SOS1: variants seen among roughly 807,000 people sequenced by gnomAD.
SOS1 encodes son of sevenless homolog 1.
SOS1 carries 25 observed loss-of-function variants against 157.6 expected under a neutral mutation model. The observed-to-expected ratio is 0.16, with a 90% CI of 0.12 to 0.22. The LOEUF (loss-of-function observed/expected upper bound fraction) is 0.22. Ranked by LOEUF, SOS1 falls within the 10% of genes least tolerant of loss-of-function variation. The pLI is 1.00. For missense variants in SOS1, 1,237 were observed against 1,599.1 expected, an observed-to-expected ratio of 0.77 and a Z score of 3.86; for synonymous variants, 528 against 534.0, an observed-to-expected ratio of 0.99 and a Z score of 0.16.
chr2:39,075,730 A>G (rs1671947491), intron 1 of SOS1, among the ~76,000 whole-genome samples: 1 of 151,320 alleles, frequency 6.6e-6, no homozygotes, highest in Non-Finnish European at 1.5e-5. Context: ...AAAGATCAAG[A>G]AAAAAGAGAA....
At chr2:39,070,103 G>A (rs191589722) in intron 1 of SOS1, among the ~76,000 whole-genome samples, 2 of 152,188 alleles carry the variant, frequency 1.3e-5, no homozygotes, top group South Asian at 2.1e-4. Context: ...TCTGACTAAC[G>A]TGTGTAGGTA....
intron 1 of SOS1, among the ~76,000 whole-genome samples, chr2:39,108,075 C>G (rs546552715): frequency 6.6e-6 from 1 of 152,306 alleles, no homozygotes; most frequent in East Asian, 1.9e-4. Flanking sequence ...CCTTTCATCA[C>G]CATCCCCACT....
chr2:39,110,123 A>G (rs932344618), intron 1 of SOS1, among the ~76,000 whole-genome samples: 8 of 147,946 alleles, frequency 5.4e-5, no homozygotes, highest in African/African-American at 2.0e-4. Flanking sequence ...TCCATGGGGG[A>G]TTGGTTCCAG....
chr2:39,030,944 C>T (rs921098618), intron 8 of SOS1, among the ~76,000 whole-genome samples: 3 of 151,992 alleles, frequency 2.0e-5, no homozygotes, highest in East Asian at 1.9e-4. Flanking sequence ...GAGGCAAAGA[C>T]GGGAGTGATG....
chr2:39,010,765 T>C, intron 14 of SOS1, 62 bp from the exon 15 acceptor site: 1 of 1,345,702 alleles, frequency 7.4e-7, no homozygotes, highest in South Asian at 1.2e-5. Flanking sequence ...CATTGTTTTA[T>C]TAAGTAAAGG....
Position 38,982,073 on chromosome 2 carries a change from C to T in SOS1, c.*3751G>A, listed in dbSNP as rs1344918948. On this transcript the variant is annotated 3_prime_UTR_variant, in exon 23 of 23. Transcript: ENST00000402219. Reference sequence around the variant, plus strand: ...CATGTACCTTCCATCATCTGTTATGCATCTTGTTTCTTTGAGTGGTAGTCC... The same window carrying T: ...CATGTACCTTCCATCATCTGTTATGTATCTTGTTTCTTTGAGTGGTAGTCC... The T allele has an allele frequency of 1.3e-5, 2 of 152,178 alleles. No homozygotes were observed. Among genetic ancestry groups the T allele is most frequent in the East Asian group, 1.9e-4 (1 of 5,206 alleles). The allele number at this position is 152,178 out of a possible 1,614,324, so 9.4% of individuals were successfully genotyped here. A position where few individuals can be genotyped will look rare whatever the true frequency, so the allele number is the denominator to read the frequency against.
At chr2:39,070,335 C>T (rs1671753348) in intron 1 of SOS1, among the ~76,000 whole-genome samples, 1 of 152,164 alleles carries the variant, frequency 6.6e-6, no homozygotes, top group South Asian at 2.1e-4. Flanking sequence ...CAGTCAAGTT[C>T]CTTTCATTTC....
intron 10 of SOS1, among the ~76,000 whole-genome samples, chr2:39,021,240 A>G (rs1171239988): frequency 6.6e-6 from 1 of 151,632 alleles, no homozygotes; most frequent in African/African-American, 2.4e-5. Context: ...ACTACAAAAC[A>G]AGTATCAGCT....
chr2:39,011,642 A>G (rs1314348039), intron 14 of SOS1, among the ~76,000 whole-genome samples: 1 of 152,238 alleles, frequency 6.6e-6, no homozygotes, highest in Admixed American at 6.5e-5. Flanking sequence ...TGAGATAATT[A>G]CATCAATGTA....
chr2:38,987,771 A>C (rs1255616512), intron 21 of SOS1, 180 bp from the exon 22 acceptor site: 1 of 572,774 alleles, frequency 1.7e-6, no homozygotes, highest in African/African-American at 1.9e-5. Flanking sequence ...AAAAGCATGC[A>C]GACATTTTTT....
chr2:39,109,589 A>G (rs532395052), intron 1 of SOS1, among the ~76,000 whole-genome samples: 3 of 152,318 alleles, frequency 2.0e-5, no homozygotes, highest in East Asian at 3.9e-4. Flanking sequence ...CTACTCAAAA[A>G]AGGCAACACA....
rs145012828 is a variant in SOS1 at position 39,097,913 on chromosome 2, T to C, written c.87+22423A>G. ...AAAACAGTTTAAGTGCTGAACATTATTATTTCTTGGAATCTATATAAGCTT... is the reference window on the plus strand; with the variant it reads ...AAAACAGTTTAAGTGCTGAACATTACTATTTCTTGGAATCTATATAAGCTT... On this transcript the variant is annotated intron_variant, in intron 1 of 22. Transcript: ENST00000402219. Among the ~76,000 whole-genome samples the C allele has an allele frequency of 7.7e-3, 1,168 of 152,332 alleles. 7 individuals carry two copies. The highest frequency in any genetic ancestry group is 0.014 in the Middle Eastern group (4 of 294).
chr2:39,054,605 G>A lies in SOS1; in HGVS notation c.720+9C>T, dbSNP rs370687707. 3.0e-5 allele frequency: 44 copies of A among 1,477,078 alleles called. No homozygotes were observed. Among genetic ancestry groups the A allele is most frequent in the Non-Finnish European group, 3.7e-5 (39 of 1,057,056 alleles). The allele number at this position is 1,477,078 out of a possible 1,614,324, so 91.5% of individuals were successfully genotyped here. A position where few individuals can be genotyped will look rare whatever the true frequency, so the allele number is the denominator to read the frequency against. ...ATTCAATGAGAGGCATATATACAAT[G>A]ATACTTACATTAGCTGAAAACAATT... On this transcript the variant is annotated intron_variant, in intron 5 of 22. Coordinates refer to ENST00000402219, the MANE Select transcript of SOS1 (RefSeq NM_005633.4).
At chr2:39,055,612 A>C (rs968435896) in intron 4 of SOS1, among the ~76,000 whole-genome samples, 1 of 152,196 alleles carries the variant, frequency 6.6e-6, no homozygotes, top group African/African-American at 2.4e-5. Context: ...ATATGGCCAC[A>C]TTCTCAAAGA....
intron 6 of SOS1, among the ~76,000 whole-genome samples, chr2:39,047,019 T>C (rs542574972): frequency 1.2e-4 from 18 of 152,328 alleles, no homozygotes; most frequent in Non-Finnish European, 1.6e-4. Context: ...GTCTGCAATT[T>C]GATGACTTTT....
chr2:38,994,069 C>T (rs1305822481), intron 20 of SOS1, among the ~76,000 whole-genome samples: 2 of 152,186 alleles, frequency 1.3e-5, no homozygotes, highest in Non-Finnish European at 2.9e-5. Flanking sequence ...TATTGAGCAT[C>T]TGACTGTGGC....
intron 19 of SOS1, among the ~76,000 whole-genome samples, chr2:38,996,189 A>C (rs572652954): frequency 1.3e-5 from 2 of 152,172 alleles, no homozygotes; most frequent in Admixed American, 1.3e-4. Flanking sequence ...TCCCGGGTTC[A>C]AGTGATTCTT....
Position 38,987,607 on chromosome 2 carries a change from T to A in SOS1, c.3392-16A>T, listed in dbSNP as rs1352637225. 1.6e-6 allele frequency: 2 copies of A among 1,264,758 alleles called. No homozygotes were observed. The highest frequency in any genetic ancestry group is 2.9e-5 in the African/African-American group (2 of 68,196). The allele number at this position is 1,264,758 out of a possible 1,614,324, so 78.3% of individuals were successfully genotyped here. ...GAAGCAGATCCTGTGGGATGTTAAA[T>A]TTTTAAGAAAAAGTCCACAGGAATT... On this transcript the variant is annotated splice_polypyrimidine_tract_variant and intron_variant, in intron 21 of 22. Transcript: ENST00000402219.
intron 1 of SOS1, among the ~76,000 whole-genome samples, chr2:39,108,071 A>G (rs554176897): frequency 1.7e-3 from 254 of 152,098 alleles, no homozygotes; most frequent in Non-Finnish European, 3.0e-3. Flanking sequence ...TCCCCCTTTC[A>G]TCACCATCCC....
Sources: gnomAD v4.1 joint callset for allele counts (sites outside exome capture counted in the v4.1 genomes callset) on GRCh38, gnomAD v4.1.1 for gene constraint, MANE v1.5 for transcripts, NCBI Gene and HGNC (gene_info 2026-07-23, HGNC 2026-07-21) for gene names.